Variants in NBR1 observed in about 807,000 individuals in gnomAD.
NBR1 encodes next to BRCA1 gene 1 protein.
Under a neutral mutation model 115.5 loss-of-function variants are expected in NBR1, and 59 were observed. The ratio of observed to expected loss-of-function variants is 0.51; its 90% confidence interval spans 0.41 to 0.63. The LOEUF (loss-of-function observed/expected upper bound fraction) is 0.63. Among genes scored for constraint, NBR1 ranks in the 30% least tolerant of loss-of-function variants. The pLI is 0.00. For missense variants in NBR1, 1,043 were observed against 1,150.5 expected (o/e 0.91, Z 1.35); for synonymous variants, 373 against 414.7 (o/e 0.90, Z 1.22).
Position 43,177,645 on chromosome 17 carries a change from A to G in NBR1, c.103-291A>G, listed in dbSNP as rs2056554422. ...CAGTTTGGTATTCTGATGAGATGTC[A>G]TCTCATTGCTTCAATTTGCATTGTT... On this transcript the variant is annotated intron_variant, in intron 2 of 20. Transcript: ENST00000590996. Among the ~76,000 whole-genome samples the G allele has an allele frequency of 4.7e-5, 7 of 149,116 alleles. No homozygotes were observed. In the South Asian group the frequency reaches 1.5e-3, roughly 31 times the overall value.
At chr17:43,181,674 AAAC>A (rs1407581473) in intron 5 of NBR1, among the ~76,000 whole-genome samples, 1 of 141,638 alleles carries the variant, frequency 7.1e-6, no homozygotes, top group Non-Finnish European at 1.6e-5. Flanking sequence ...AAAACAAAAA[AAAC>A]AAACAAACCA....
intron 19 of NBR1, among the ~76,000 whole-genome samples, chr17:43,203,241 G>C (rs2057242770): frequency 6.6e-6 from 1 of 152,138 alleles, no homozygotes. Context: ...AGGTAGAAAG[G>C]TTAAGCCCAG....
Position 43,203,739 on chromosome 17 carries a change from G to T in NBR1, c.2680G>T (p.Ala894Ser), listed in dbSNP as rs2154582409. Residue 894 changes from alanine to serine, a missense_variant, in exon 20 of 21, where the codon GCC becomes TCC. Coordinates refer to ENST00000590996, the MANE Select transcript of NBR1 (RefSeq NM_005899.5). ...GLVKGALSVA[A>S]SAYKALFAGP... Reference sequence around the variant, plus strand: ...GGTGAAGGGGGCTTTGTCTGTTGCTGCCTCTGCATACAAGGCCCTGTTTGC... The same window carrying T: ...GGTGAAGGGGGCTTTGTCTGTTGCTTCCTCTGCATACAAGGCCCTGTTTGC... 6.2e-7 allele frequency: 1 copy of T among 1,608,958 alleles called. No individual in the cohort carries two copies. The highest frequency in any genetic ancestry group is 2.2e-5 in the East Asian group (1 of 44,832).
intron 20 of NBR1, chr17:43,209,679 C>G: frequency 6.5e-7 from 1 of 1,535,502 alleles, no homozygotes; most frequent in Non-Finnish European, 8.7e-7. Context: ...CCCTTTTCTC[C>G]TCCTTCAAGT....
intron 4 of NBR1, 85 bp from the exon 5 acceptor site, chr17:43,180,710 G>T: frequency 7.6e-7 from 1 of 1,307,346 alleles, no homozygotes; most frequent in South Asian, 1.8e-5. Flanking sequence ...GAATGGATGT[G>T]TACAAAATAA....
intron 2 of NBR1, chr17:43,176,110 A>G: frequency 2.3e-6 from 1 of 439,648 alleles, no homozygotes; most frequent in Non-Finnish European, 4.0e-6. Context: ...TTTCCTTTTG[A>G]ACATTTTAGA....
At chr17:43,202,734 T>A in intron 19 of NBR1, 22 bp downstream of exon 19, 1 of 1,548,556 alleles carries the variant, frequency 6.5e-7, no homozygotes, top group Non-Finnish European at 8.8e-7. Context: ...GTGCAGTCTC[T>A]TTTTTCAGAA....
rs905147276 is a variant in NBR1, at chr17:43,205,412, G to A, written c.2727+1626G>A. On this transcript the variant is annotated intron_variant, in intron 20 of 20. Coordinates refer to ENST00000590996, the MANE Select transcript of NBR1 (RefSeq NM_005899.5). ...GACAGATGAAACACTTCAGCCTGGT[G>A]TGCCCAAGTAAGGCTTTCTGGTAGA... Among the ~76,000 whole-genome samples, 5 of 152,296 alleles carry A rather than the reference G, an allele frequency of 3.3e-5. No homozygotes were observed. In the East Asian group the frequency reaches 7.7e-4, roughly 24 times the overall value.
rs759230858 is a variant in NBR1, at chr17:43,193,554, T to C, written c.1440T>C (p.Pro480=). The C allele has an allele frequency of 5.6e-6, 9 of 1,612,922 alleles. No individual in the cohort carries two copies. The South Asian group carries it at 8.8e-5, about 16-fold the overall frequency. Residue 480 remains proline (P), a synonymous_variant, in exon 12 of 21, where the codon CCT becomes CCC. Transcript: ENST00000590996. ...PRVWCSIIVD[P]FPSEESPDNI... ...TCTGGTGCAGTATCATAGTAGATCC[T>C]TTCCCCTCCGAAGAGAGCCCTGATA...
chr17:43,191,115 G>A (rs577611783), intron 9 of NBR1, among the ~76,000 whole-genome samples: 2 of 152,094 alleles, frequency 1.3e-5, no homozygotes, highest in East Asian at 1.9e-4. Flanking sequence ...TTAGCCAGGC[G>A]TGGTGGTGCG....
chr17:43,190,977 C>T (rs2056930812), intron 9 of NBR1, among the ~76,000 whole-genome samples: 1 of 152,172 alleles, frequency 6.6e-6, no homozygotes, highest in African/African-American at 2.4e-5. Context: ...GTAGGCTGGG[C>T]ACAATGGCCC....
At chr17:43,197,203 A>C in intron 16 of NBR1, 97 bp downstream of exon 16, 1 of 1,154,184 alleles carries the variant, frequency 8.7e-7, no homozygotes, top group Admixed American at 2.2e-5. Context: ...ACTGAGACTG[A>C]AGGGAGAGTG....
At chr17:43,193,720 ATAGC>A in intron 12 of NBR1, 82 bp downstream of exon 12, 1 of 1,427,554 alleles carries the variant, frequency 7.0e-7, no homozygotes, top group Admixed American at 2.5e-5. Flanking sequence ...GAACCCACTC[ATAGC>A]TGGTTGTTTT....
At chr17:43,188,048 G>A (rs991010937) in intron 6 of NBR1, among the ~76,000 whole-genome samples, 1 of 151,638 alleles carries the variant, frequency 6.6e-6, no homozygotes, top group African/African-American at 2.4e-5. Context: ...CCACTACCAC[G>A]CCTAGCTATT....
chr17:43,178,066 G>T (rs964145458), intron 3 of NBR1, 68 bp downstream of exon 3: 2 of 1,504,604 alleles, frequency 1.3e-6, no homozygotes, highest in Non-Finnish European at 1.8e-6. Flanking sequence ...AGTGATATGG[G>T]CTTTAATAAT....
At chr17:43,197,484 A>G (rs544502374) in intron 16 of NBR1, among the ~76,000 whole-genome samples, 1 of 151,156 alleles carries the variant, frequency 6.6e-6, no homozygotes, top group African/African-American at 2.4e-5. Context: ...GCGCCACTGC[A>G]CTCTAGCCTG....
chr17:43,200,784 T>C (rs1567864822), intron 17 of NBR1, among the ~76,000 whole-genome samples, 176 bp downstream of exon 17: 1 of 152,148 alleles, frequency 6.6e-6, no homozygotes, highest in Non-Finnish European at 1.5e-5. Flanking sequence ...ATTCTGGATT[T>C]AAAGAAATAT....
chr17:43,177,580 C>CAG (rs1352029082), intron 2 of NBR1, among the ~76,000 whole-genome samples: 2 of 69,450 alleles, frequency 2.9e-5, no homozygotes, highest in African/African-American at 8.2e-5. Context: ...AAAACACACA[C>CAG]ACACACACAC....
chr17:43,176,011 C>G (rs1444738324), intron 2 of NBR1, 110 bp downstream of exon 2: 1 of 603,626 alleles, frequency 1.7e-6, no homozygotes, highest in East Asian at 3.0e-5. Flanking sequence ...TCATAGTTAC[C>G]ATTTCTGGGC....
Sources: gnomAD v4.1 joint callset for allele counts (sites outside exome capture counted in the v4.1 genomes callset) on GRCh38, gnomAD v4.1.1 for gene constraint, MANE v1.5 for transcripts, NCBI Gene and HGNC (gene_info 2026-07-23, HGNC 2026-07-21) for gene names.